Variants in PRKAG3 observed in about 807,000 individuals in gnomAD.
The protein encoded by PRKAG3 is 5'-AMP-activated protein kinase subunit gamma-3.
PRKAG3 carries 39 observed loss-of-function variants against 56.5 expected under a neutral mutation model. The observed-to-expected ratio is 0.69, with a 90% CI of 0.53 to 0.90. The LOEUF is 0.90. PRKAG3 is among the 40% of genes least tolerant of loss of function. The pLI is 0.00. For missense variants in PRKAG3, 628 were observed against 627.5 expected (o/e 1.00, Z -0.01); for synonymous variants, 243 against 250.1 (o/e 0.97, Z 0.27).
rs777238570 is a variant in PRKAG3, at chr2:218,827,920, G to A, written c.775-42C>T. The A allele has an allele frequency of 1.9e-6, 3 of 1,611,792 alleles. No homozygotes were observed. Among genetic ancestry groups the A allele is most frequent in the South Asian group, 1.1e-5 (1 of 90,864 alleles). The stretch of plus-strand genomic sequence containing the variant: ...GACTCCAGAAGTCAGAAAGACGTGG[G>A]CTTCTAGGGCACCAGGCTCCAGGAG... On this transcript the variant is annotated intron_variant, in intron 6 of 12. Coordinates refer to ENST00000529249, the Ensembl canonical transcript of PRKAG3. The surrounding 1 kb of genome is among the most constrained non-coding windows in gnomAD (Gnocchi z 5.3).
chr2:218,831,251 T>G (rs1304856814), intron 2 of PRKAG3, 85 bp downstream of exon 2: 2 of 1,065,362 alleles, frequency 1.9e-6, no homozygotes, highest in Admixed American at 5.5e-5. Context: ...AAAGCCAGGC[T>G]GGGAGGGAAT....
At position 218,827,575 on chromosome 2, in the gene PRKAG3, C is replaced by G; in HGVS notation, c.875G>C (p.Ser292Thr). ...CAGGTGAATGAGCAGAGACACCCACCTATCATTAGGAGAGATGGAGACCAG... is the reference window on the plus strand; with the variant it reads ...CAGGTGAATGAGCAGAGACACCCACGTATCATTAGGAGAGATGGAGACCAG... Residue 292 changes from serine (S) to threonine (T), a missense_variant and splice_region_variant, in exon 8 of 13, where the codon AGC becomes ACC. Transcript: ENST00000529249. This position sits in a 1 kb window ranked among gnomAD's most constrained non-coding sequence, Gnocchi z 5.3. The G allele has an allele frequency of 6.2e-7, 1 of 1,613,792 alleles. No homozygotes were observed. Among genetic ancestry groups the G allele is most frequent in the African/African-American group, 1.3e-5 (1 of 75,002 alleles).
Position 218,827,851 on chromosome 2 carries a change from T to G in PRKAG3, c.802A>C (p.Lys268Gln). 1 of 1,614,016 alleles carries G rather than the reference T, an allele frequency of 6.2e-7. No homozygotes were observed. The highest frequency in any genetic ancestry group is 1.7e-5 in the Admixed American group (1 of 60,012). The change falls in exon 7 of 13, where the codon AAG becomes CAG. Residue 268 changes from lysine to glutamine, a missense_variant. Lys to Gln is a moderately conservative substitution (Grantham distance 53). Transcript: ENST00000529249. The surrounding 1 kb of genome is among the most constrained non-coding windows in gnomAD (Gnocchi z 5.3). ...CACTCACCCCTCCAGGTCTCAATCT[T>G]ATGTTGTTCAATCTCATAGATCTGG...
chr2:218,824,471 A>G (rs1052932178), intron 11 of PRKAG3, 68 bp downstream of exon 11: 1 of 1,607,176 alleles, frequency 6.2e-7, no homozygotes, highest in Non-Finnish European at 8.5e-7. Flanking sequence ...CCTGGTCCAC[A>G]GAGGCCCCCC....
At chr2:218,828,025 A>T in exon 6 of PRKAG3, 1 of 1,569,012 alleles carries the variant, frequency 6.4e-7, no homozygotes, top group Non-Finnish European at 8.6e-7. Flanking sequence ...TGTAGTAGCG[A>T]TGCAGCACCA....
chr2:218,830,387 T>TG lies in PRKAG3; in HGVS notation c.230-7dup, dbSNP rs1337497938. The stretch of plus-strand genomic sequence containing the variant: ...AGCTGGCCTGGACCGGGGACCTGTT[T>TG]GGGGGAGGAGGGGAAGAGGACAGTA... On this transcript the variant is annotated splice_polypyrimidine_tract_variant and splice_region_variant and intron_variant, in intron 3 of 12. Transcript: ENST00000529249. The TG allele has an allele frequency of 6.2e-7, 1 of 1,605,304 alleles. No individual in the cohort carries two copies. The highest frequency in any genetic ancestry group is 1.3e-5 in the African/African-American group (1 of 74,914).
chr2:218,823,872 T>G, exon 13 of PRKAG3: 1 of 1,613,928 alleles, frequency 6.2e-7, no homozygotes, highest in Non-Finnish European at 8.5e-7. Flanking sequence ...AGCACCAGCC[T>G]GTGTACCTGT....
intron 12 of PRKAG3, 91 bp downstream of exon 12, chr2:218,824,131 C>T: frequency 6.3e-7 from 1 of 1,596,154 alleles, no homozygotes; most frequent in Non-Finnish European, 8.6e-7. Context: ...GAAGGATAGG[C>T]CAGGTGCCCG....
chr2:218,828,072 G>A lies in PRKAG3; in HGVS notation c.716-10C>T, dbSNP rs1330463729. On this transcript the variant is annotated splice_polypyrimidine_tract_variant and intron_variant, in intron 5 of 12. Transcript: ENST00000529249. ...GTGATGGTCAGCATCCCTGCAGGGA[G>A]GGGCGGGGAGGAGGTCAGCCCGGGG... is the stretch of plus-strand genomic sequence containing the variant. The A allele has an allele frequency of 2.8e-6, 4 of 1,452,940 alleles. No homozygotes were observed. The highest frequency in any genetic ancestry group is 2.5e-5 in the East Asian group (1 of 40,608). 90.0% of individuals were successfully genotyped at this position (1,452,940 alleles called of 1,614,324 possible).
intron 10 of PRKAG3, among the ~76,000 whole-genome samples, chr2:218,826,198 A>G (rs1943930831): frequency 6.6e-6 from 1 of 152,254 alleles, no homozygotes; most frequent in South Asian, 2.1e-4. Context: ...AATCTAGGCA[A>G]TGGATATAGG....
intron 10 of PRKAG3, chr2:218,826,596 C>A (rs531843040): frequency 5.5e-6 from 2 of 365,126 alleles, no homozygotes; most frequent in South Asian, 4.3e-5. Flanking sequence ...AGCCATGCAC[C>A]ACGTGTCCGG....
At chr2:218,831,403 T>C in intron 1 of PRKAG3, 28 bp from the exon 2 acceptor site, 3 of 1,581,610 alleles carry the variant, frequency 1.9e-6, no homozygotes, top group Non-Finnish European at 2.6e-6. Context: ...TCTGAAGGAG[T>C]GGGGAAAGTG....
intron 5 of PRKAG3, among the ~76,000 whole-genome samples, chr2:218,828,309 G>C (rs921795554): frequency 6.6e-6 from 1 of 152,220 alleles, no homozygotes; most frequent in African/African-American, 2.4e-5. Flanking sequence ...GTGTCAGCTG[G>C]TCATAGCGGC....
chr2:218,830,374 C>T lies in PRKAG3; in HGVS notation c.237G>A (p.Arg79=), dbSNP rs1325946358. The T allele has an allele frequency of 1.9e-6, 3 of 1,607,034 alleles. No homozygotes were observed. In the Admixed American group the frequency reaches 5.0e-5, roughly 27 times the overall value. The change falls in exon 4 of 13, where the codon CGG becomes CGA. Residue 79 remains arginine (R), a synonymous_variant. Coordinates refer to ENST00000529249, the Ensembl canonical transcript of PRKAG3. ...CGGTGGACTCAGCAGCTGGCCTGGA[C>T]CGGGGACCTGTTTGGGGGAGGAGGG...
At chr2:218,823,026 G>A (rs925700059), downstream of PRKAG3, 1 of 983,800 alleles carries the variant, frequency 1.0e-6, no homozygotes, top group South Asian at 4.7e-5. Flanking sequence ...ATGCCCGAGG[G>A]CTTCTGGGAG....
exon 11 of PRKAG3, chr2:218,824,549 A>C (rs1180559111): frequency 1.2e-6 from 2 of 1,612,550 alleles, no homozygotes; most frequent in South Asian, 2.2e-5. Context: ...AATCACATCA[A>C]AGCGGGAATA....
chr2:218,826,873 C>T, intron 10 of PRKAG3, 55 bp downstream of exon 10: 2 of 1,604,024 alleles, frequency 1.2e-6, no homozygotes, highest in Middle Eastern at 1.9e-4. Context: ...ATTCTCCCCA[C>T]CAGGTTCTCC....
In PRKAG3 at chr2:218,827,288, T is replaced by C. The variant is rs771895241; in HGVS notation, c.961A>G (p.Ile321Val). 6.8e-6 allele frequency: 11 copies of C among 1,614,164 alleles called. No individual in the cohort carries two copies. The highest frequency in any genetic ancestry group is 1.7e-5 in the Admixed American group (1 of 60,012). Residue 321 changes from isoleucine to valine, a missense_variant, in exon 9 of 13, where the codon ATC becomes GTC. Ile to Val is a conservative substitution (Grantham distance 29). Coordinates refer to ENST00000529249, the Ensembl canonical transcript of PRKAG3. The surrounding 1 kb of genome is among the most constrained non-coding windows in gnomAD (Gnocchi z 5.3). ...TTGAGCAGGCGTTTGTGTGTGAGGA[T>C]GTGGAGTACGTTGCCTGACACCGGG...
At chr2:218,822,522 T>G (rs1943860933), downstream of PRKAG3, 1 of 152,208 alleles carries the variant, frequency 6.6e-6, no homozygotes. Context: ...GTTCATGGAT[T>G]GTTCCTTTTG....
Sources: allele counts gnomAD v4.1 joint callset (sites outside exome capture counted in the v4.1 genomes callset), GRCh38; gene constraint gnomAD v4.1.1; non-coding constraint Gnocchi (gnomAD v3.1); transcripts MANE v1.5; gene names NCBI Gene and HGNC (gene_info 2026-07-23, HGNC 2026-07-21).